CSTA: variants seen among roughly 807,000 people sequenced by gnomAD.
CSTA encodes the protein cystatin A.
A neutral mutation model predicts 9.2 loss-of-function variants in CSTA; 9 were observed. That is an observed-to-expected ratio of 0.97 (90% CI 0.59 to 1.70). The LOEUF (loss-of-function observed/expected upper bound fraction) is 1.70. Among genes scored for constraint, CSTA ranks in the 40% most tolerant of loss-of-function variants. The pLI, the probability that CSTA is intolerant of heterozygous loss-of-function variation, is 0.00. For missense variants in CSTA, 118 were observed against 113.1 expected (o/e 1.04, Z -0.20); for synonymous variants, 36 against 40.6 (o/e 0.89, Z 0.43).
intron 1 of CSTA, among the ~76,000 whole-genome samples, chr3:122,327,736 G>A (rs1048499263): frequency 1.9e-4 from 7 of 37,460 alleles, no homozygotes; most frequent in Admixed American, 4.3e-4. Flanking sequence ...GTGGCTGAAA[G>A]CATCCCTGAC....
intron 1 of CSTA, among the ~76,000 whole-genome samples, chr3:122,329,894 T>C (rs1359533255): frequency 1.3e-5 from 2 of 152,214 alleles, no homozygotes; most frequent in Non-Finnish European, 2.9e-5. Context: ...GCTCCTCTGG[T>C]GTTAAAGCCC....
chr3:122,336,783 G>C (rs2075239210), intron 1 of CSTA, among the ~76,000 whole-genome samples: 1 of 152,186 alleles, frequency 6.6e-6, no homozygotes, highest in South Asian at 2.1e-4. Context: ...CGTAGCTCCT[G>C]ATAGGATGCA....
intron 1 of CSTA, among the ~76,000 whole-genome samples, chr3:122,329,705 C>T (rs2075192936): frequency 6.6e-6 from 1 of 152,030 alleles, no homozygotes; most frequent in East Asian, 1.9e-4. Context: ...AAGATATGGC[C>T]CCTGGCCTCT....
In CSTA at chr3:122,338,499, CAA is replaced by C. The variant is rs58446448; in HGVS notation, c.168+866_168+867del. Among the ~76,000 whole-genome samples, 867 of 140,088 alleles carry C rather than the reference CAA, an allele frequency of 6.2e-3. 3 individuals carry two copies. The highest frequency in any genetic ancestry group is 5.8e-3 in the Non-Finnish European group (375 of 64,374). 91.9% of individuals were successfully genotyped at this position (140,088 alleles called of 152,430 possible). ...TAAACATTTTAAAAGATTTTTTCAG[CAA>C]AAAAAAAAAAAAAAGTAAGTGAAGT... On this transcript the variant is annotated intron_variant, in intron 2 of 2. Coordinates refer to ENST00000264474, the MANE Select transcript of CSTA (RefSeq NM_005213.4).
At chr3:122,334,364 G>C (rs2075224722) in intron 1 of CSTA, among the ~76,000 whole-genome samples, 1 of 152,118 alleles carries the variant, frequency 6.6e-6, no homozygotes, top group South Asian at 2.1e-4. Flanking sequence ...CAGTAGTAAA[G>C]GTTCAAAACA....
intron 1 of CSTA, among the ~76,000 whole-genome samples, chr3:122,335,844 C>G (rs958022337): frequency 6.6e-6 from 1 of 151,814 alleles, no homozygotes; most frequent in African/African-American, 2.4e-5. Context: ...GTTGGTCACA[C>G]TGGTCTCAAA....
At chr3:122,332,119 C>T (rs538792060) in intron 1 of CSTA, among the ~76,000 whole-genome samples, 48 of 152,294 alleles carry the variant, frequency 3.2e-4, no homozygotes, top group South Asian at 1.2e-3. Flanking sequence ...TCCTAACAGG[C>T]CATGGATGGG....
intron 1 of CSTA, among the ~76,000 whole-genome samples, chr3:122,336,114 G>A (rs528599734): frequency 6.6e-6 from 1 of 152,070 alleles, no homozygotes; most frequent in Admixed American, 6.6e-5. Context: ...ATATTATTTT[G>A]TAGCCCTTTC....
At chr3:122,328,924 G>C (rs557978928) in intron 1 of CSTA, among the ~76,000 whole-genome samples, 3 of 151,314 alleles carry the variant, frequency 2.0e-5, no homozygotes, top group Admixed American at 2.0e-4. Flanking sequence ...CTGGATGACA[G>C]AGCGAGACTC....
Position 122,337,590 on chromosome 3 carries a change from A to G in CSTA, c.110A>G (p.Lys37Arg). 1 of 1,613,600 alleles carries G rather than the reference A, an allele frequency of 6.2e-7. No homozygotes were observed. Among genetic ancestry groups the G allele is most frequent in the Non-Finnish European group, 8.5e-7 (1 of 1,179,572 alleles). Residue 37 changes from lysine (K) to arginine (R), a missense_variant, in exon 2 of 3, where the codon AAA becomes AGA. Physicochemically the swap from Lys to Arg is conservative, Grantham distance 26. Coordinates refer to ENST00000264474, the MANE Select transcript of CSTA (RefSeq NM_005213.4). ...LEEKTNETYGKLEAVQYKTQV... is the reference protein window; with the variant it reads ...LEEKTNETYGRLEAVQYKTQV... The stretch of plus-strand genomic sequence containing the variant: ...GAAAAAACAAATGAGACTTACGGAA[A>G]ATTGGAAGCTGTGCAGTATAAAACT...
At chr3:122,333,501 A>G (rs980911027) in intron 1 of CSTA, among the ~76,000 whole-genome samples, 1 of 151,194 alleles carries the variant, frequency 6.6e-6, no homozygotes, top group African/African-American at 2.4e-5. Context: ...ACAGAGCAAG[A>G]CTCCATGAAA....
intron 1 of CSTA, among the ~76,000 whole-genome samples, chr3:122,334,452 G>A (rs193265592): frequency 7.2e-5 from 11 of 152,132 alleles, no homozygotes; most frequent in Non-Finnish European, 1.5e-4. Context: ...ACTCCAGCCT[G>A]GGTGAGGGGG....
intron 1 of CSTA, among the ~76,000 whole-genome samples, chr3:122,329,282 C>T (rs2075189552): frequency 6.7e-6 from 1 of 149,990 alleles, no homozygotes; most frequent in Admixed American, 6.6e-5. Flanking sequence ...AAATTTTTTA[C>T]TCCTTAGAAG....
intron 1 of CSTA, among the ~76,000 whole-genome samples, chr3:122,336,558 AT>A (rs1382076916): frequency 2.0e-5 from 3 of 152,188 alleles, no homozygotes; most frequent in African/African-American, 7.2e-5. Flanking sequence ...ACAAGAAATG[AT>A]TTTTTAATTA....
rs1376736310 is a variant in CSTA, at chr3:122,341,519, T to A, written c.249T>A (p.Thr83=). 1 of 1,614,172 alleles carries A rather than the reference T, an allele frequency of 6.2e-7. No individual in the cohort carries two copies. The highest frequency in any genetic ancestry group is 1.7e-5 in the Admixed American group (1 of 60,020). The change falls in exon 3 of 3, where the codon ACT becomes ACA. Residue 83 remains threonine (T), a synonymous_variant. Transcript: ENST00000264474. ...GACAAAATGAGGACTTGGTACTTAC[T>A]GGATACCAGGTTGACAAAAACAAGG... ...LPGQNEDLVL[T]GYQVDKNKDD... is the part of the protein sequence containing the mutation.
intron 1 of CSTA, 77 bp downstream of exon 1, chr3:122,325,435 T>C (rs1035248883): frequency 2.1e-6 from 3 of 1,405,992 alleles, no homozygotes; most frequent in Non-Finnish European, 3.0e-6. Flanking sequence ...AGGCTGTGGT[T>C]GAACATGAAA....
At chr3:122,341,969 AGTGT>A (rs35225251), downstream of CSTA, 206 of 198,032 alleles carry the variant, frequency 1.0e-3, no homozygotes, top group South Asian at 1.4e-3. Context: ...TATTTTACAA[AGTGT>A]GTGTGTGTGT....
intron 2 of CSTA, among the ~76,000 whole-genome samples, chr3:122,339,718 G>A (rs2075254935): frequency 6.6e-6 from 1 of 152,174 alleles, no homozygotes; most frequent in Admixed American, 6.5e-5. Context: ...ACCTAGGCAT[G>A]GTGATGCACA....
chr3:122,333,540 GAAGAAAGAAAGAAAGAAAGAAAGA>G lies in CSTA; in HGVS notation c.67-3977_67-3954del, dbSNP rs71136564. Among the ~76,000 whole-genome samples, 363 of 112,170 alleles carry G rather than the reference GAAGAAAGAAAGAAAGAAAGAAAGA, an allele frequency of 3.2e-3. 1 individual carries two copies. The highest frequency in any genetic ancestry group is 0.011 in the African/African-American group (326 of 29,892). 73.6% of individuals were successfully genotyped at this position (112,170 alleles called of 152,430 possible). ...AGAGAGAAGAAAGAAAGAAAAGAAAGAAGAAAGAAAGAAAGAAAGAAAGAAAGAAAGAAAGAAAGAAAGAAAGAA... is the reference window on the plus strand; with the variant it reads ...AGAGAGAAGAAAGAAAGAAAAGAAAGAAGAAAGAAAGAAAGAAAGAAAGAA... On this transcript the variant is annotated intron_variant, in intron 1 of 2. Coordinates refer to ENST00000264474, the MANE Select transcript of CSTA (RefSeq NM_005213.4).
Sources: gnomAD v4.1 joint callset for allele counts (sites outside exome capture counted in the v4.1 genomes callset) on GRCh38, gnomAD v4.1.1 for gene constraint, MANE v1.5 for transcripts, NCBI Gene and HGNC (gene_info 2026-07-23, HGNC 2026-07-21) for gene names.